SOX6: variants seen among roughly 807,000 people sequenced by gnomAD.
The protein encoded by SOX6 is transcription factor SOX-6.
Under a neutral mutation model 97.8 loss-of-function variants are expected in SOX6, and 11 were observed. That is an observed-to-expected ratio of 0.11 (90% CI 0.07 to 0.19). The LOEUF (loss-of-function observed/expected upper bound fraction) is 0.19, where lower values mean the gene tolerates loss of function less well. Among genes scored for constraint, SOX6 ranks in the 10% least tolerant of loss-of-function variants. The probability of loss-of-function intolerance (pLI) is 1.00; values close to 1 mark genes in which losing one functional copy is unlikely to be tolerated. For missense variants in SOX6, 810 were observed against 1,039.5 expected, an observed-to-expected ratio of 0.78 and a Z score of 3.04; for synonymous variants, 360 against 371.4, an observed-to-expected ratio of 0.97 and a Z score of 0.35.
chr11:16,517,870 T>C (rs2133157966), intron 4 of SOX6, among the ~76,000 whole-genome samples: 1 of 152,320 alleles, frequency 6.6e-6, no homozygotes, highest in South Asian at 2.1e-4. Context: ...TCATTATTTA[T>C]GCCATTTCCA....
chr11:16,200,460 A>C (rs759757689), intron 4 of SOX6, among the ~76,000 whole-genome samples: 1 of 152,228 alleles, frequency 6.6e-6, no homozygotes, highest in Non-Finnish European at 1.5e-5. Flanking sequence ...TTTTATACTT[A>C]AGGTTTAAAA....
chr11:16,135,946 C>T (rs1258189502), intron 6 of SOX6, among the ~76,000 whole-genome samples: 3 of 152,158 alleles, frequency 2.0e-5, no homozygotes, highest in Non-Finnish European at 4.4e-5. Flanking sequence ...CTTTAACAAC[C>T]ACCACCCTGA....
At chr11:16,027,664 G>C (rs983505263) in intron 12 of SOX6, among the ~76,000 whole-genome samples, 3 of 152,184 alleles carry the variant, frequency 2.0e-5, no homozygotes, top group African/African-American at 7.2e-5. Flanking sequence ...GACAAAGAAT[G>C]CTACAGTTCA....
rs148581779 is a variant in SOX6, at chr11:16,299,654, G to A, written c.445+18792C>T. Among the ~76,000 whole-genome samples, 129 of 152,172 alleles carry A rather than the reference G, an allele frequency of 8.5e-4. 1 individual carries two copies. Among genetic ancestry groups the A allele is most frequent in the African/African-American group, 2.5e-3 (102 of 41,530 alleles). ...ATAGGTAAGAGGAGACAAAATCTGC[G>A]TATGTATTGCTAATATATTAGACTA... On this transcript the variant is annotated intron_variant, in intron 3 of 15. Transcript: ENST00000683767.
intron 7 of SOX6, among the ~76,000 whole-genome samples, chr11:16,100,646 C>T (rs980983932): frequency 3.3e-5 from 5 of 151,060 alleles, no homozygotes; most frequent in South Asian, 2.1e-4. Flanking sequence ...TAAAACTTAA[C>T]GGCAGGAGAA....
chr11:16,634,751 T>A (rs573531247), intron 3 of SOX6, among the ~76,000 whole-genome samples: 1 of 152,344 alleles, frequency 6.6e-6, no homozygotes, highest in South Asian at 2.1e-4. Context: ...TTGATATGGT[T>A]TGGCTGTATC....
intron 4 of SOX6, among the ~76,000 whole-genome samples, chr11:16,234,361 G>C (rs571074273): frequency 7.2e-5 from 11 of 152,182 alleles, no homozygotes; most frequent in African/African-American, 2.6e-4. Flanking sequence ...TATCCTATAA[G>C]TTATATGTTT....
chr11:16,314,435 C>T (rs925876462), intron 3 of SOX6: 1 of 152,036 alleles, frequency 6.6e-6, no homozygotes, highest in Non-Finnish European at 1.5e-5. Context: ...ATCTATATAG[C>T]TCTATGGAAT....
At chr11:16,257,081 T>C (rs1222484466) in intron 3 of SOX6, among the ~76,000 whole-genome samples, 1 of 151,894 alleles carries the variant, frequency 6.6e-6, no homozygotes, top group African/African-American at 2.4e-5. Context: ...AAATTAGAGA[T>C]ATTCCATGTT....
rs71482997 is a variant in SOX6, at chr11:16,079,717, A to T, written c.1101+16279T>A. On this transcript the variant is annotated intron_variant, in intron 9 of 15. Transcript: ENST00000683767. ...CATTTTCTTCTGTATTTTTTAAATTAAAAAAAATGTTTTACCCCATTTCAA... is the reference window on the plus strand; with the variant it reads ...CATTTTCTTCTGTATTTTTTAAATTTAAAAAAATGTTTTACCCCATTTCAA... Among the ~76,000 whole-genome samples the T allele has an allele frequency of 4.8e-3, 728 of 151,662 alleles. 3 individuals are homozygous for T. The highest frequency in any genetic ancestry group is 6.1e-3 in the Non-Finnish European group (410 of 67,734).
intron 1 of SOX6, among the ~76,000 whole-genome samples, chr11:16,388,695 CTG>C (rs1858071222): frequency 6.6e-6 from 1 of 151,974 alleles, no homozygotes; most frequent in Admixed American, 6.6e-5. Flanking sequence ...TGTTTAATAC[CTG>C]TAAGATTTAT....
At chr11:16,036,858 TAGAC>T (rs1855532939) in intron 12 of SOX6, among the ~76,000 whole-genome samples, 1 of 152,178 alleles carries the variant, frequency 6.6e-6, no homozygotes, top group African/African-American at 2.4e-5. Context: ...AATAAGAACT[TAGAC>T]AGATTCTTTG....
rs548116381 is a variant in SOX6 at position 16,227,380 on chromosome 11, C to T, written c.535+7202G>A. On this transcript the variant is annotated intron_variant, in intron 4 of 15. Transcript: ENST00000683767. ...CCAATTTTCATTTATTTTATTAATTCATCCTTTAATTCATTGATTCATTCG... is the reference window on the plus strand; with the variant it reads ...CCAATTTTCATTTATTTTATTAATTTATCCTTTAATTCATTGATTCATTCG... Among the ~76,000 whole-genome samples the T allele has an allele frequency of 2.4e-4, 37 of 152,164 alleles. 1 individual carries two copies. In the South Asian group the frequency reaches 7.5e-3, roughly 31 times the overall value.
At chr11:16,412,514 T>C (rs1462675410) in intron 1 of SOX6, among the ~76,000 whole-genome samples, 3 of 152,130 alleles carry the variant, frequency 2.0e-5, no homozygotes, top group Non-Finnish European at 4.4e-5. Flanking sequence ...GGCAGGCACC[T>C]GCAGTCCCAG....
chr11:16,488,378 T>C (rs1860467962), intron 4 of SOX6, among the ~76,000 whole-genome samples: 1 of 152,170 alleles, frequency 6.6e-6, no homozygotes, highest in Non-Finnish European at 1.5e-5. Flanking sequence ...AAAAATACTT[T>C]TAAAGATGAG....
At chr11:16,477,486 C>CT, upstream of SOX6, among the ~76,000 whole-genome samples, 1 of 152,192 alleles carries the variant, frequency 6.6e-6, no homozygotes, top group East Asian at 1.9e-4. Context: ...CTAACTCAGC[C>CT]CTCTTCAACC....
At chr11:16,526,754 C>T (rs1044717916) in intron 4 of SOX6, among the ~76,000 whole-genome samples, 3 of 152,006 alleles carry the variant, frequency 2.0e-5, no homozygotes, top group Admixed American at 6.6e-5. Context: ...ATCAATTTTA[C>T]TTAAAATAAG....
chr11:16,278,633 C>CTTGA (rs989624945), intron 3 of SOX6, among the ~76,000 whole-genome samples: 2 of 150,380 alleles, frequency 1.3e-5, no homozygotes, highest in Admixed American at 1.3e-4. Context: ...AAGTTTAGAG[C>CTTGA]TTGATTAAAA....
At chr11:16,141,586 G>T (rs749326728) in intron 6 of SOX6, among the ~76,000 whole-genome samples, 1 of 152,160 alleles carries the variant, frequency 6.6e-6, no homozygotes, top group Non-Finnish European at 1.5e-5. Flanking sequence ...CCCGAAAAGC[G>T]CAAGGGGTCA....
Sources: allele counts gnomAD v4.1 joint callset (sites outside exome capture counted in the v4.1 genomes callset), GRCh38; gene constraint gnomAD v4.1.1; transcripts MANE v1.5; gene names NCBI Gene and HGNC (gene_info 2026-07-23, HGNC 2026-07-21).